The following PCDH15 variants were observed in gnomAD, a reference collection of about 807,000 sequenced individuals.
PCDH15 encodes protocadherin-15.
In PCDH15, 129 loss-of-function variants were observed where a neutral mutation model predicts 178.5. That is an observed-to-expected ratio of 0.72 (90% CI 0.63 to 0.84). PCDH15 has a LOEUF of 0.84. Ranked by LOEUF, PCDH15 falls within the 40% of genes least tolerant of loss-of-function variation. The probability of loss-of-function intolerance (pLI) is 0.00; values close to 1 mark genes in which losing one functional copy is unlikely to be tolerated. For synonymous variants in PCDH15, 800 were observed against 732.0 expected (o/e 1.09, Z -1.50); for missense variants, 2,230 against 2,099.9 (o/e 1.06, Z -1.21).
At chr10:55,288,610 A>G (rs564807832) in intron 1 of PCDH15, among the ~76,000 whole-genome samples, 10 of 152,152 alleles carry the variant, frequency 6.6e-5, no homozygotes, top group East Asian at 1.9e-4. Flanking sequence ...GATAACTCAC[A>G]TAAGTGGAAC....
At chr10:55,580,360 A>ATTTTTTTTT (rs71017103) in intron 2 of PCDH15, among the ~76,000 whole-genome samples, 3 of 131,610 alleles carry the variant, frequency 2.3e-5, no homozygotes, top group African/African-American at 2.8e-5. Flanking sequence ...TTATTTTTTT[A>ATTTTTTTTT]TTTTTTTTTT....
At chr10:54,065,170 G>A (rs1386061752) in intron 18 of PCDH15, among the ~76,000 whole-genome samples, 2 of 152,164 alleles carry the variant, frequency 1.3e-5, no homozygotes, top group African/African-American at 4.8e-5. Context: ...GGCCAACATT[G>A]CAGCTAATTA....
chr10:53,955,361 C>T (rs1008920535), intron 23 of PCDH15, among the ~76,000 whole-genome samples: 2 of 152,130 alleles, frequency 1.3e-5, no homozygotes, highest in African/African-American at 4.8e-5. Flanking sequence ...AGTCTGATTA[C>T]CCTGAGATTT....
intron 1 of PCDH15, among the ~76,000 whole-genome samples, chr10:54,764,486 C>T (rs60231119): frequency 0.24 from 31,484 of 131,210 alleles, 3,771 homozygotes; most frequent in East Asian, 0.47. Context: ...AAGAATGCCC[C>T]AAACTAAGTA....
rs188347588 is a variant in PCDH15, at chr10:54,243,078, C to T, written c.877-6147G>A. ...TCTTAGTAACTATATAATTTAATAC[C>T]TAAGTTATTGAATTTATTATTTAGT... is the stretch of plus-strand genomic sequence containing the variant. On this transcript the variant is annotated intron_variant, in intron 8 of 37. Transcript: ENST00000644397. 1.8e-4 allele frequency among the ~76,000 whole-genome samples: 27 copies of T among 152,106 alleles called. No homozygotes were observed. The South Asian group carries it at 1.9e-3, about 11-fold the overall frequency.
At chr10:54,546,145 G>A (rs1449530653) in intron 2 of PCDH15, among the ~76,000 whole-genome samples, 1 of 152,186 alleles carries the variant, frequency 6.6e-6, no homozygotes, top group African/African-American at 2.4e-5. Flanking sequence ...TCATGATCTT[G>A]CCGCTGTGGC....
At chr10:54,840,310 T>C (rs1349443710) in intron 3 of PCDH15, among the ~76,000 whole-genome samples, 1 of 151,948 alleles carries the variant, frequency 6.6e-6, no homozygotes, top group East Asian at 1.9e-4. Flanking sequence ...TAGCACGAAG[T>C]CTGGGTGGGA....
At chr10:53,905,556 C>T (rs1010622636) in intron 25 of PCDH15, among the ~76,000 whole-genome samples, 2 of 152,022 alleles carry the variant, frequency 1.3e-5, no homozygotes, top group Non-Finnish European at 1.5e-5. Context: ...AGGCTTGTCT[C>T]GAACTCCTGA....
intron 3 of PCDH15, among the ~76,000 whole-genome samples, chr10:54,516,575 T>C (rs868706260): frequency 2.0e-5 from 3 of 152,288 alleles, no homozygotes; most frequent in Admixed American, 1.3e-4. Flanking sequence ...AGACCAAATC[T>C]ACGTCTGACT....
intron 1 of PCDH15, among the ~76,000 whole-genome samples, chr10:54,744,111 T>C (rs919491406): frequency 2.0e-5 from 3 of 152,136 alleles, no homozygotes; most frequent in African/African-American, 7.2e-5. Flanking sequence ...TGAGATGCTT[T>C]ATGGATAACA....
At chr10:54,404,603 G>A (rs1333255616) in intron 3 of PCDH15, among the ~76,000 whole-genome samples, 2 of 152,054 alleles carry the variant, frequency 1.3e-5, no homozygotes, top group African/African-American at 2.4e-5. Context: ...AAGATGGCAT[G>A]ACCAAGATGC....
chr10:54,806,066 T>A (rs1224409783), upstream of PCDH15, among the ~76,000 whole-genome samples: 1 of 152,194 alleles, frequency 6.6e-6, no homozygotes, highest in South Asian at 2.1e-4. Context: ...GTGCAGATAA[T>A]ATTTGTAAAA....
intron 2 of PCDH15, among the ~76,000 whole-genome samples, chr10:54,918,759 T>C (rs867531553): frequency 1.3e-5 from 2 of 152,202 alleles, no homozygotes; most frequent in South Asian, 4.1e-4. Context: ...AAAGTATATA[T>C]TGTTCTCCTT....
At chr10:53,973,296 T>TGGGGGGA (rs1170385229) in intron 21 of PCDH15, among the ~76,000 whole-genome samples, 1 of 81,406 alleles carries the variant, frequency 1.2e-5, no homozygotes, top group African/African-American at 5.2e-5. Context: ...TGTCATGGGG[T>TGGGGGGA]GGGGGGAGGG....
At chr10:55,185,337 T>A (rs1308469098) in intron 1 of PCDH15, among the ~76,000 whole-genome samples, 1 of 151,806 alleles carries the variant, frequency 6.6e-6, no homozygotes, top group Non-Finnish European at 1.5e-5. Context: ...TTGTAAATGA[T>A]GTTGCATGTC....
chr10:55,410,629 C>CA (rs1313485456), intron 2 of PCDH15, among the ~76,000 whole-genome samples: 10 of 152,082 alleles, frequency 6.6e-5, no homozygotes. Context: ...TACAATGAAA[C>CA]ATTTCCCGGA....
intron 23 of PCDH15, among the ~76,000 whole-genome samples, chr10:53,953,010 G>A (rs2134200894): frequency 6.6e-6 from 1 of 152,356 alleles, no homozygotes; most frequent in Admixed American, 6.5e-5. Context: ...TCTCAGCTGG[G>A]TGATTGCACC....
At chr10:54,491,331 T>TA (rs71461245) in intron 3 of PCDH15, among the ~76,000 whole-genome samples, 22,114 of 141,904 alleles carry the variant, frequency 0.16, 1,977 homozygotes, top group Admixed American at 0.3. Flanking sequence ...AAAGAAAAGT[T>TA]AAAAAAAAAA....
chr10:55,233,191 T>C (rs117702018), intron 1 of PCDH15, among the ~76,000 whole-genome samples: 2,456 of 152,234 alleles, frequency 0.016, 36 homozygotes, highest in Non-Finnish European at 0.022. Context: ...GAGATACAAT[T>C]AAATAGTCTT....
Sources: allele counts gnomAD v4.1 joint callset (sites outside exome capture counted in the v4.1 genomes callset), GRCh38; gene constraint gnomAD v4.1.1; transcripts MANE v1.5; gene names NCBI Gene and HGNC (gene_info 2026-07-23, HGNC 2026-07-21).